Variants in SLC26A7 observed in about 807,000 individuals in gnomAD.
The protein encoded by SLC26A7 is anion exchange transporter.
In SLC26A7, 59 loss-of-function variants were observed where a neutral mutation model predicts 82.5. That is an observed-to-expected ratio of 0.72 (90% CI 0.58 to 0.89). The LOEUF (loss-of-function observed/expected upper bound fraction) is 0.89. SLC26A7 is among the 40% of genes least tolerant of loss of function. The pLI is 0.00. For missense variants in SLC26A7, 820 were observed against 793.0 expected (o/e 1.03, Z -0.41); for synonymous variants, 271 against 274.3 (o/e 0.99, Z 0.12).
intron 4 of SLC26A7, among the ~76,000 whole-genome samples, chr8:91,296,289 TC>T (rs1812014738): frequency 1.3e-5 from 2 of 152,196 alleles, no homozygotes; most frequent in Admixed American, 1.3e-4. Flanking sequence ...TTCTAATCAG[TC>T]GTCAAAATTT....
intron 2 of SLC26A7, among the ~76,000 whole-genome samples, chr8:91,271,837 G>T (rs888904214): frequency 2.0e-5 from 3 of 152,014 alleles, no homozygotes; most frequent in Non-Finnish European, 4.4e-5. Flanking sequence ...CTTGTGATCC[G>T]CCTGCCTCGG....
intron 1 of SLC26A7, among the ~76,000 whole-genome samples, chr8:91,213,938 T>A (rs747013171): frequency 3.3e-5 from 5 of 152,140 alleles, no homozygotes; most frequent in African/African-American, 4.8e-5. Context: ...AGGATTAGAT[T>A]AAGTAAGGGG....
At chr8:91,383,910 C>T (rs1055276781) in intron 15 of SLC26A7, among the ~76,000 whole-genome samples, 8 of 152,152 alleles carry the variant, frequency 5.3e-5, no homozygotes, top group African/African-American at 1.9e-4. Context: ...CTAATAAATC[C>T]TGGGCACAAC....
intron 2 of SLC26A7, among the ~76,000 whole-genome samples, chr8:91,231,487 T>A (rs1353451402): frequency 2.6e-5 from 4 of 152,244 alleles, no homozygotes; most frequent in Admixed American, 2.0e-4. Context: ...AGGCACACTC[T>A]TGGAAAGGGA....
At chr8:91,307,884 A>T (rs1465055717) in intron 4 of SLC26A7, among the ~76,000 whole-genome samples, 1 of 152,108 alleles carries the variant, frequency 6.6e-6, no homozygotes, top group Non-Finnish European at 1.5e-5. Context: ...TTTTTTGTAG[A>T]AATGGGGTCT....
At chr8:91,378,097 G>T (rs941030362) in intron 15 of SLC26A7, among the ~76,000 whole-genome samples, 10 of 151,784 alleles carry the variant, frequency 6.6e-5, no homozygotes, top group Admixed American at 4.6e-4. Context: ...ATTTCCCAAA[G>T]AATTTGGTAT....
At chr8:91,232,763 C>G (rs1278264100) in intron 2 of SLC26A7, among the ~76,000 whole-genome samples, 1 of 152,210 alleles carries the variant, frequency 6.6e-6, no homozygotes, top group African/African-American at 2.4e-5. Context: ...AAGAATCAGG[C>G]ACTGCCTATG....
intron 2 of SLC26A7, among the ~76,000 whole-genome samples, chr8:91,262,449 T>C (rs1810995212): frequency 6.6e-6 from 1 of 152,016 alleles, no homozygotes; most frequent in South Asian, 2.1e-4. Context: ...ACCCAGCGTC[T>C]GAGCAGTCTT....
At chr8:91,369,668 C>T in intron 14 of SLC26A7, 117 bp from the exon 15 acceptor site, 1 of 671,812 alleles carries the variant, frequency 1.5e-6, no homozygotes, top group Non-Finnish European at 2.4e-6. Context: ...TAGTGAAAAA[C>T]AATTTTGGAG....
intron 4 of SLC26A7, among the ~76,000 whole-genome samples, chr8:91,301,828 A>G (rs1000726249): frequency 2.0e-5 from 3 of 151,874 alleles, no homozygotes; most frequent in African/African-American, 7.3e-5. Flanking sequence ...TATTGATAAA[A>G]GCACATAGTG....
At chr8:91,268,325 G>A (rs1016181951) in intron 2 of SLC26A7, among the ~76,000 whole-genome samples, 1 of 151,782 alleles carries the variant, frequency 6.6e-6, no homozygotes, top group African/African-American at 2.4e-5. Flanking sequence ...AGTATTGGGT[G>A]TATATATATT....
rs950976631 is a variant in SLC26A7 at position 91,393,647 on chromosome 8, A to G, written c.1777-150A>G. On this transcript the variant is annotated intron_variant, in intron 16 of 18. Transcript: ENST00000276609. ...TAGTCTTTTAGACGCTTGCCAGATTATGCCTGACTGTGTAACAATGCCTCC... is the reference window on the plus strand; with the variant it reads ...TAGTCTTTTAGACGCTTGCCAGATTGTGCCTGACTGTGTAACAATGCCTCC... 5.3e-6 allele frequency: 4 copies of G among 758,234 alleles called. No homozygotes were observed. In the Admixed American group the frequency reaches 7.6e-5, roughly 14 times the overall value. The allele number at this position is 758,234 out of a possible 1,614,324, so 47.0% of individuals were successfully genotyped here. A position where few individuals can be genotyped will look rare whatever the true frequency, so the allele number is the denominator to read the frequency against.
chr8:91,249,391 TCTC>T lies in SLC26A7; in HGVS notation c.-133_-131del, dbSNP rs1483926788. ...AAATATTACATGAACAGGAACTACT[TCTC>T]CTTCAGATAAGAATTCAAGGTTTTA... On this transcript the variant is annotated 5_prime_UTR_variant, in exon 1 of 19. Coordinates refer to ENST00000276609, the MANE Select transcript of SLC26A7 (RefSeq NM_052832.4). 3.5e-6 allele frequency: 1 copy of T among 289,796 alleles called. No individual in the cohort carries two copies. Among genetic ancestry groups the T allele is most frequent in the East Asian group, 5.7e-5 (1 of 17,432 alleles). 18.0% of individuals were successfully genotyped at this position (289,796 alleles called of 1,614,324 possible).
At position 91,389,543 on chromosome 8, in the gene SLC26A7, C is replaced by T. The variant is rs1054153996; in HGVS notation, c.1776+105C>T. 110 of 780,658 alleles carry T rather than the reference C, an allele frequency of 1.4e-4. 1 individual carries two copies. The highest frequency in any genetic ancestry group is 1.2e-4 in the East Asian group (5 of 40,894). The allele number at this position is 780,658 out of a possible 1,614,324, so 48.4% of individuals were successfully genotyped here. A position where few individuals can be genotyped will look rare whatever the true frequency, so the allele number is the denominator to read the frequency against. On this transcript the variant is annotated intron_variant, in intron 16 of 18. Coordinates refer to ENST00000276609, the MANE Select transcript of SLC26A7 (RefSeq NM_052832.4). The stretch of plus-strand genomic sequence containing the variant: ...TCTTGAGCCTGCTTGTTGCAATACT[C>T]ATCTCACCCCATTATTTACAAAGGA...
At chr8:91,376,319 T>G (rs1814515636) in intron 15 of SLC26A7, among the ~76,000 whole-genome samples, 1 of 152,224 alleles carries the variant, frequency 6.6e-6, no homozygotes, top group South Asian at 2.1e-4. Context: ...AGTAGTTCTT[T>G]CACTGATTCC....
Position 91,394,020 on chromosome 8 carries a change from G to A in SLC26A7, c.1916G>A (p.Ser639Asn). The change falls in exon 18 of 19, where the codon AGT becomes AAT. Residue 639 changes from serine to asparagine, a missense_variant. Coordinates refer to ENST00000276609, the MANE Select transcript of SLC26A7 (RefSeq NM_052832.4). ...TTTGAATCGGTATCTGCTGCAATAA[G>A]TCATATCCATTCAAATAAGGTGAGT... is the stretch of plus-strand genomic sequence containing the variant. ...IFFESVSAAISHIHSNKNLSK... is the reference protein window; with the variant it reads ...IFFESVSAAINHIHSNKNLSK... 6.2e-7 allele frequency: 1 copy of A among 1,613,300 alleles called. No homozygotes were observed. Among genetic ancestry groups the A allele is most frequent in the Non-Finnish European group, 8.5e-7 (1 of 1,179,382 alleles).
chr8:91,283,838 T>C lies in SLC26A7; in HGVS notation c.194-5298T>C, dbSNP rs181844137. Among the ~76,000 whole-genome samples, 73 of 152,344 alleles carry C rather than the reference T, an allele frequency of 4.8e-4. 1 individual carries two copies. Among genetic ancestry groups the C allele is most frequent in the Admixed American group, 3.9e-3 (60 of 15,304 alleles). On this transcript the variant is annotated intron_variant, in intron 2 of 18. Transcript: ENST00000276609. ...TACTGAGGGGGTGTTAGTTGGATAA[T>C]ACTATGAATTATTGAGTGGTAAGAC...
chr8:91,377,858 T>A (rs1045674690), intron 15 of SLC26A7, among the ~76,000 whole-genome samples: 1 of 152,168 alleles, frequency 6.6e-6, no homozygotes, highest in African/African-American at 2.4e-5. Flanking sequence ...TTAGGATTTT[T>A]GACAGGTACT....
chr8:91,290,408 G>A (rs1254695428), intron 3 of SLC26A7, among the ~76,000 whole-genome samples: 1 of 152,108 alleles, frequency 6.6e-6, no homozygotes, highest in African/African-American at 2.4e-5. Flanking sequence ...GTGTCAGCAG[G>A]GCTGTGTTTC....
Sources: gnomAD v4.1 joint callset for allele counts (sites outside exome capture counted in the v4.1 genomes callset) on GRCh38, gnomAD v4.1.1 for gene constraint, MANE v1.5 for transcripts, NCBI Gene and HGNC (gene_info 2026-07-23, HGNC 2026-07-21) for gene names.